CLGN: variants seen among roughly 807,000 people sequenced by gnomAD.
CLGN encodes calmegin.
CLGN carries 62 observed loss-of-function variants against 79.1 expected under a neutral mutation model. That is an observed-to-expected ratio of 0.78 (90% CI 0.64 to 0.97). The LOEUF is 0.97. CLGN is among the 50% of genes least tolerant of loss of function. The pLI is 0.00. For missense variants in CLGN, 647 were observed against 715.5 expected (o/e 0.90, Z 1.09); for synonymous variants, 225 against 224.7 (o/e 1.00, Z -0.01).
chr4:140,395,459 T>G (rs1367569993), intron 10 of CLGN, among the ~76,000 whole-genome samples: 1 of 152,136 alleles, frequency 6.6e-6, no homozygotes, highest in East Asian at 1.9e-4. Flanking sequence ...AATCAGAATT[T>G]TAATAATACT....
At chr4:140,417,685 C>T (rs1482259480) in intron 1 of CLGN, among the ~76,000 whole-genome samples, 1 of 151,878 alleles carries the variant, frequency 6.6e-6, no homozygotes, top group Non-Finnish European at 1.5e-5. Context: ...CAAACCACTC[C>T]TCAATGAAAT....
intron 5 of CLGN, among the ~76,000 whole-genome samples, chr4:140,402,865 G>T (rs1416027061): frequency 1.3e-5 from 2 of 152,062 alleles, no homozygotes; most frequent in Non-Finnish European, 2.9e-5. Context: ...AACAAAAAAG[G>T]TTATGATTTC....
chr4:140,406,066 C>G lies in CLGN; in HGVS notation c.295G>C (p.Glu99Gln). 6.2e-7 allele frequency: 1 copy of G among 1,611,638 alleles called. No homozygotes were observed. The highest frequency in any genetic ancestry group is 8.5e-7 in the Non-Finnish European group (1 of 1,179,292). Residue 99 changes from glutamate (E) to glutamine (Q), a missense_variant, in exon 5 of 15, where the codon GAG becomes CAG. Coordinates refer to ENST00000325617, the MANE Select transcript of CLGN (RefSeq NM_004362.3). ...SIYDGRWEIEELKENQVPGDR... is the reference protein window; with the variant it reads ...SIYDGRWEIEQLKENQVPGDR... ...CCAGGTACCTGGTTTTCTTTCAACTCTTCAATTTCCCATCTTCCTAAAAAA... is the reference window on the plus strand; with the variant it reads ...CCAGGTACCTGGTTTTCTTTCAACTGTTCAATTTCCCATCTTCCTAAAAAA...
Position 140,413,052 on chromosome 4 carries a change from A to G in CLGN, c.27T>C (p.Cys9=). The G allele has an allele frequency of 6.2e-7, 1 of 1,612,672 alleles. No homozygotes were observed. Among genetic ancestry groups the G allele is most frequent in the Non-Finnish European group, 8.5e-7 (1 of 1,179,454 alleles). Residue 9 remains cysteine (C), a synonymous_variant, in exon 2 of 15, where the codon TGT becomes TGC. Coordinates refer to ENST00000325617, the MANE Select transcript of CLGN (RefSeq NM_004362.3). MHFQAFWL[C]LGLLFISINA... is the part of the protein sequence containing the mutation. ...TAATTGAGATGAACAGAAGACCCAA[A>G]CATAGCCAAAAGGCTTGGAAATGCA...
At chr4:140,411,360 T>C (rs1296747073) in intron 2 of CLGN, among the ~76,000 whole-genome samples, 1 of 152,078 alleles carries the variant, frequency 6.6e-6, no homozygotes, top group Non-Finnish European at 1.5e-5. Flanking sequence ...CCAAAGCTCA[T>C]ACATTTTTAC....
At chr4:140,394,221 C>T (rs1289795510) in intron 10 of CLGN, among the ~76,000 whole-genome samples, 180 bp from the exon 11 acceptor site, 1 of 152,038 alleles carries the variant, frequency 6.6e-6, no homozygotes, top group Non-Finnish European at 1.5e-5. Flanking sequence ...GCTGTGTACA[C>T]AATGTTCCCT....
chr4:140,399,182 AC>A, intron 7 of CLGN, 142 bp from the exon 8 acceptor site: 1 of 599,010 alleles, frequency 1.7e-6, no homozygotes, highest in East Asian at 3.2e-5. Flanking sequence ...AATGTATTGA[AC>A]TAAAACATTC....
At position 140,390,802 on chromosome 4, in the gene CLGN, T is replaced by G. The variant is rs1163774839; in HGVS notation, c.1652-74A>C. 4.5e-6 allele frequency: 4 copies of G among 898,350 alleles called. No homozygotes were observed. The African/African-American group carries it at 5.2e-5, about 12-fold the overall frequency. The allele number at this position is 898,350 out of a possible 1,614,324, so 55.6% of individuals were successfully genotyped here. A position where few individuals can be genotyped will look rare whatever the true frequency, so the allele number is the denominator to read the frequency against. On this transcript the variant is annotated intron_variant, in intron 13 of 14. Transcript: ENST00000325617. ...TGCTACTGAAAAGTATTAAATACAA[T>G]AAATGGGATTTATTTAAATTCCAAG...
intron 10 of CLGN, among the ~76,000 whole-genome samples, chr4:140,395,411 G>C (rs963147819): frequency 1.3e-5 from 2 of 152,156 alleles, no homozygotes; most frequent in Non-Finnish European, 2.9e-5. Context: ...CTCCCAAAGT[G>C]CTGGGATTAC....
intron 1 of CLGN, among the ~76,000 whole-genome samples, chr4:140,426,184 T>C (rs1205710815): frequency 6.6e-6 from 1 of 152,214 alleles, no homozygotes; most frequent in Non-Finnish European, 1.5e-5. Flanking sequence ...TTTCTAGTTT[T>C]ATTATTAAAA....
Position 140,418,465 on chromosome 4 carries a change from C to A in CLGN, c.-9-5378G>T, listed in dbSNP as rs113188999. 8.5e-3 allele frequency among the ~76,000 whole-genome samples: 1,254 copies of A among 146,912 alleles called. 17 individuals carry two copies. The highest frequency in any genetic ancestry group is 0.012 in the Non-Finnish European group (822 of 67,118). ...CACAACCTACTCATCTGACAAAGGGCTAATATCCAGAATCTACAATGAACT... is the reference window on the plus strand; with the variant it reads ...CACAACCTACTCATCTGACAAAGGGATAATATCCAGAATCTACAATGAACT... On this transcript the variant is annotated intron_variant, in intron 1 of 14. Coordinates refer to ENST00000325617, the MANE Select transcript of CLGN (RefSeq NM_004362.3).
chr4:140,410,449 A>T (rs1729188366), intron 3 of CLGN, 104 bp downstream of exon 3: 1 of 746,114 alleles, frequency 1.3e-6, no homozygotes, highest in South Asian at 1.7e-5. Context: ...CTACTTTAAA[A>T]TTTTTTATAG....
intron 13 of CLGN, among the ~76,000 whole-genome samples, chr4:140,391,533 AATAG>A (rs1286588487): frequency 5.9e-5 from 9 of 152,020 alleles, no homozygotes; most frequent in African/African-American, 1.2e-4. Context: ...TCTCTTAAAA[AATAG>A]ATAGACACAT....
At position 140,399,020 on chromosome 4, in the gene CLGN, A is replaced by G. The variant is rs1283313302; in HGVS notation, c.715T>C (p.Phe239Leu). Residue 239 changes from phenylalanine to leucine, a missense_variant, in exon 8 of 15, where the codon TTT becomes CTT. Physicochemically the swap from Phe to Leu is conservative, Grantham distance 22. Coordinates refer to ENST00000325617, the MANE Select transcript of CLGN (RefSeq NM_004362.3). ...YTLVMNPDDT[F>L]EVLVDQTVVN... The stretch of plus-strand genomic sequence containing the variant: ...ACTGTTTGATCAACTAACACCTCAA[A>G]TGTGTCATCTGGATTCATCACTAAG... 6.2e-7 allele frequency: 1 copy of G among 1,612,770 alleles called. No individual in the cohort carries two copies. The highest frequency in any genetic ancestry group is 1.3e-5 in the African/African-American group (1 of 74,830).
chr4:140,421,834 G>C (rs1208452440), intron 1 of CLGN, among the ~76,000 whole-genome samples: 1 of 151,898 alleles, frequency 6.6e-6, no homozygotes, highest in Non-Finnish European at 1.5e-5. Context: ...TGTTGTCTGT[G>C]CTTTTGGTGT....
chr4:140,411,185 G>A (rs1729203884), intron 2 of CLGN, among the ~76,000 whole-genome samples: 1 of 152,046 alleles, frequency 6.6e-6, no homozygotes, highest in African/African-American at 2.4e-5. Context: ...CAGTGGTATT[G>A]CTGATGATAT....
intron 8 of CLGN, among the ~76,000 whole-genome samples, chr4:140,398,224 A>G (rs1560740528): frequency 1.3e-5 from 2 of 150,474 alleles, no homozygotes; most frequent in East Asian, 3.9e-4. Context: ...AGAATGAAGC[A>G]GTTATATGTG....
At chr4:140,395,740 C>CATAGGTAATTAG in intron 10 of CLGN, 79 bp downstream of exon 10, 1 of 1,203,386 alleles carries the variant, frequency 8.3e-7, no homozygotes, top group Non-Finnish European at 1.1e-6. Context: ...CAAAAGTTGA[C>CATAGGTAATTAG]ATAGGTAATT....
At chr4:140,403,397 G>C (rs1482181508) in intron 5 of CLGN, among the ~76,000 whole-genome samples, 1 of 152,098 alleles carries the variant, frequency 6.6e-6, no homozygotes, top group African/African-American at 2.4e-5. Context: ...TCAGAAGGAA[G>C]GTATTCTTTC....
Sources: allele counts gnomAD v4.1 joint callset (sites outside exome capture counted in the v4.1 genomes callset), GRCh38; gene constraint gnomAD v4.1.1; transcripts MANE v1.5; gene names NCBI Gene and HGNC (gene_info 2026-07-23, HGNC 2026-07-21).